The following PRKG1 variants were observed in gnomAD, a reference collection of about 807,000 sequenced individuals.
PRKG1 encodes cGMP-dependent protein kinase 1.
Under a neutral mutation model 88.1 loss-of-function variants are expected in PRKG1, and 35 were observed. The ratio of observed to expected loss-of-function variants is 0.40; its 90% CI spans 0.30 to 0.53. The LOEUF is 0.53. Among genes scored for constraint, PRKG1 ranks in the 20% least tolerant of loss-of-function variants. The pLI, the probability that PRKG1 is intolerant of heterozygous loss-of-function variation, is 0.59. For missense variants in PRKG1, 540 were observed against 839.8 expected, an observed-to-expected ratio of 0.64 and a Z score of 4.41; for synonymous variants, 303 against 292.5, an observed-to-expected ratio of 1.04 and a Z score of -0.37.
intron 3 of PRKG1, among the ~76,000 whole-genome samples, chr10:51,514,656 G>A (rs754615016): frequency 1.4e-4 from 22 of 152,160 alleles, no homozygotes; most frequent in South Asian, 2.1e-4. Flanking sequence ...CCACAGCTGC[G>A]AGGCATGTAC....
chr10:51,968,831 A>AG (rs1383585240), intron 5 of PRKG1, among the ~76,000 whole-genome samples: 3 of 150,642 alleles, frequency 2.0e-5, no homozygotes, highest in Admixed American at 6.6e-5. Context: ...AAAAAAAAAA[A>AG]AAAAAAGAAA....
intron 4 of PRKG1, among the ~76,000 whole-genome samples, chr10:51,851,111 C>T (rs1840542648): frequency 2.0e-5 from 3 of 152,004 alleles, no homozygotes; most frequent in Admixed American, 2.0e-4. Context: ...TTATGGAATA[C>T]TATGCAGCTG....
intron 5 of PRKG1, among the ~76,000 whole-genome samples, chr10:52,013,431 A>T (rs183843072): frequency 5.9e-5 from 9 of 151,624 alleles, no homozygotes; most frequent in Middle Eastern, 3.4e-3. Context: ...AAAAAAAAAA[A>T]AGAAAGATGG....
intron 4 of PRKG1, among the ~76,000 whole-genome samples, chr10:51,850,499 A>ATATATGTATATG (rs374383814): frequency 0.085 from 12,832 of 151,330 alleles, 692 homozygotes; most frequent in Middle Eastern, 0.14. Flanking sequence ...TTATATATAT[A>ATATATGTATATG]TATATGTATA....
At chr10:52,045,266 G>T (rs902292504) in intron 5 of PRKG1, among the ~76,000 whole-genome samples, 3 of 151,918 alleles carry the variant, frequency 2.0e-5, no homozygotes, top group Non-Finnish European at 4.4e-5. Context: ...TATCTAGTGG[G>T]GATCAGGCTG....
chr10:51,541,304 G>A (rs1842295310), intron 3 of PRKG1, among the ~76,000 whole-genome samples: 2 of 152,150 alleles, frequency 1.3e-5, no homozygotes, highest in Admixed American at 1.3e-4. Context: ...AGGTGTTAAC[G>A]CTCACTCATC....
At chr10:52,122,006 T>C (rs767551091) in intron 7 of PRKG1, among the ~76,000 whole-genome samples, 2 of 152,208 alleles carry the variant, frequency 1.3e-5, no homozygotes, top group Non-Finnish European at 2.9e-5. Flanking sequence ...TTTTAAGCTA[T>C]TTTGTGCAGC....
intron 4 of PRKG1, among the ~76,000 whole-genome samples, chr10:51,807,275 C>T (rs1271288470): frequency 6.6e-6 from 1 of 152,012 alleles, no homozygotes; most frequent in Non-Finnish European, 1.5e-5. Context: ...AATTAAAGAC[C>T]TTGACAGCAC....
At chr10:52,225,432 G>A (rs1216251366) in intron 9 of PRKG1, among the ~76,000 whole-genome samples, 1 of 152,132 alleles carries the variant, frequency 6.6e-6, no homozygotes, top group Non-Finnish European at 1.5e-5. Context: ...CCACTCTGTA[G>A]GTTATCTGTT....
intron 2 of PRKG1, among the ~76,000 whole-genome samples, chr10:51,242,717 G>A (rs896898915): frequency 2.0e-5 from 3 of 152,122 alleles, no homozygotes; most frequent in Non-Finnish European, 4.4e-5. Flanking sequence ...CAGGAAGATT[G>A]TAATTGACCA....
chr10:51,895,207 A>G (rs1168599391), intron 4 of PRKG1, among the ~76,000 whole-genome samples: 2 of 152,208 alleles, frequency 1.3e-5, no homozygotes, highest in African/African-American at 2.4e-5. Context: ...AGAGAAGGGC[A>G]GCGTTTGGCT....
intron 1 of PRKG1, among the ~76,000 whole-genome samples, chr10:51,005,429 C>T (rs1305475129): frequency 6.6e-6 from 1 of 152,074 alleles, no homozygotes; most frequent in East Asian, 1.9e-4. Context: ...ACAAAAATGA[C>T]AAATCAAGCA....
At chr10:52,068,865 G>C (rs1846424903) in intron 7 of PRKG1, among the ~76,000 whole-genome samples, 1 of 152,188 alleles carries the variant, frequency 6.6e-6, no homozygotes, top group African/African-American at 2.4e-5. Flanking sequence ...AGTTTCGTTA[G>C]GTCATAGCTT....
At chr10:51,674,360 A>G (rs1245757437) in intron 3 of PRKG1, among the ~76,000 whole-genome samples, 1 of 151,872 alleles carries the variant, frequency 6.6e-6, no homozygotes. Flanking sequence ...CTGGTGTGTG[A>G]TGTTCCCCTC....
At chr10:51,277,972 T>C (rs1379405723) in intron 2 of PRKG1, among the ~76,000 whole-genome samples, 3 of 152,146 alleles carry the variant, frequency 2.0e-5, no homozygotes, top group Non-Finnish European at 2.9e-5. Flanking sequence ...TTGCCCTGGC[T>C]AGAACTTCCA....
At chr10:51,181,924 ACAT>A (rs1837358042) in intron 2 of PRKG1, among the ~76,000 whole-genome samples, 2 of 152,198 alleles carry the variant, frequency 1.3e-5, no homozygotes, top group Non-Finnish European at 2.9e-5. Context: ...CAATTAATCA[ACAT>A]CATATTTTTT....
At chr10:51,294,363 G>A (rs958073918) in intron 2 of PRKG1, among the ~76,000 whole-genome samples, 6 of 152,154 alleles carry the variant, frequency 3.9e-5, no homozygotes, top group Non-Finnish European at 7.4e-5. Context: ...TTATGCTTAA[G>A]TCTTTAGTTC....
chr10:51,552,082 C>A (rs958470469), intron 3 of PRKG1, among the ~76,000 whole-genome samples: 1 of 151,568 alleles, frequency 6.6e-6, no homozygotes, highest in Non-Finnish European at 1.5e-5. Flanking sequence ...TAGCTATATA[C>A]CCTACAGACT....
intron 1 of PRKG1, among the ~76,000 whole-genome samples, chr10:51,098,169 A>G (rs1844589125): frequency 6.6e-6 from 1 of 152,190 alleles, no homozygotes; most frequent in Non-Finnish European, 1.5e-5. Context: ...CATAGTGTTT[A>G]TGAGCATGGC....
Sources: gnomAD v4.1 joint callset for allele counts (sites outside exome capture counted in the v4.1 genomes callset) on GRCh38, gnomAD v4.1.1 for gene constraint, MANE v1.5 for transcripts, NCBI Gene and HGNC (gene_info 2026-07-23, HGNC 2026-07-21) for gene names.